SLC36A1: variants seen among roughly 807,000 people sequenced by gnomAD.
SLC36A1 encodes proton-coupled amino acid transporter 1.
Under a neutral mutation model 47.5 loss-of-function variants are expected in SLC36A1, and 30 were observed. The ratio of observed to expected loss-of-function variants is 0.63; its 90% CI spans 0.47 to 0.86. SLC36A1 has a LOEUF of 0.86. Among genes scored for constraint, SLC36A1 ranks in the 40% least tolerant of loss-of-function variants. The pLI is 0.00. For synonymous variants in SLC36A1, 255 were observed against 249.7 expected (o/e 1.02, Z -0.20); for missense variants, 517 against 606.0 (o/e 0.85, Z 1.54).
At chr5:151,479,282 C>G (rs1255465203) in intron 9 of SLC36A1, 38 bp from the exon 10 acceptor site, 2 of 1,604,230 alleles carry the variant, frequency 1.2e-6, no homozygotes, top group Non-Finnish European at 1.7e-6. Context: ...TATAAGTGTG[C>G]TGAGCAGGCT....
At chr5:151,347,556 C>T in the SLC36A1 span, 1 of 1,488,274 alleles carries the variant, frequency 6.7e-7, no homozygotes, top group South Asian at 1.1e-5. Context: ...CACCCCAGCA[C>T]AGTGGTGTGT....
the SLC36A1 span, chr5:151,507,009 A>C: frequency 1.5e-6 from 1 of 675,808 alleles, no homozygotes; most frequent in Non-Finnish European, 2.4e-6. Context: ...CGTGCCCTGT[A>C]ATCTTGAACA....
the SLC36A1 span, chr5:151,543,566 T>C: frequency 6.2e-7 from 1 of 1,614,080 alleles, no homozygotes. Context: ...AGTTTATTGA[T>C]GATAGTATAA....
the SLC36A1 span, chr5:151,425,477 G>C: frequency 1.3e-5 from 2 of 152,358 alleles, no homozygotes; most frequent in African/African-American, 2.4e-5. Context: ...CTGGGGAAGA[G>C]CTGGCAGACA....
chr5:151,554,441 T>G, the SLC36A1 span: 1 of 1,614,228 alleles, frequency 6.2e-7, no homozygotes, highest in Non-Finnish European at 8.5e-7. Context: ...ACTGAAGGCC[T>G]CCTCATCGCT....
At chr5:151,524,455 G>A in the SLC36A1 span, among the ~76,000 whole-genome samples, 1 of 152,154 alleles carries the variant, frequency 6.6e-6, no homozygotes, top group Non-Finnish European at 1.5e-5. Context: ...ACAATGAGAA[G>A]CCGACAGTCT....
At chr5:151,527,334 T>C in the SLC36A1 span, 4 of 1,613,326 alleles carry the variant, frequency 2.5e-6, no homozygotes, top group South Asian at 4.4e-5. Flanking sequence ...CAGTGGAGGC[T>C]GCCCACTGTC....
At chr5:151,408,438 C>T in the SLC36A1 span, among the ~76,000 whole-genome samples, 3 of 152,150 alleles carry the variant, frequency 2.0e-5, no homozygotes, top group Non-Finnish European at 4.4e-5. Flanking sequence ...CTGCCCGCCT[C>T]GGCCTCCTAA....
intron 7 of SLC36A1, chr5:151,470,738 A>T (rs1015327027): frequency 2.6e-5 from 4 of 152,278 alleles, no homozygotes; most frequent in Non-Finnish European, 5.9e-5. Context: ...TACCATGAGG[A>T]TTCCCCTACT....
At chr5:151,543,995 C>T in the SLC36A1 span, 2 of 1,613,926 alleles carry the variant, frequency 1.2e-6, no homozygotes, top group Non-Finnish European at 1.7e-6. Flanking sequence ...TGTCTGAACT[C>T]TGGGGGGTTG....
At chr5:151,465,352 T>A (rs1212577004) in intron 5 of SLC36A1, among the ~76,000 whole-genome samples, 183 bp downstream of exon 5, 1 of 152,180 alleles carries the variant, frequency 6.6e-6, no homozygotes, top group Non-Finnish European at 1.5e-5. Context: ...ACCCCTTTTT[T>A]CCTTGGGTTT....
the SLC36A1 span, among the ~76,000 whole-genome samples, chr5:151,537,294 G>C: frequency 6.8e-6 from 1 of 146,422 alleles, no homozygotes; most frequent in African/African-American, 2.5e-5. Context: ...GGAGGAGGAG[G>C]AGGGAGAGAG....
At chr5:151,439,543 C>G (rs932608659) in intron 1 of SLC36A1, among the ~76,000 whole-genome samples, 1 of 151,494 alleles carries the variant, frequency 6.6e-6, no homozygotes, top group African/African-American at 2.4e-5. Context: ...GGTCCAGCTA[C>G]TTGGGAGGCT....
the SLC36A1 span, chr5:151,425,506 A>G: frequency 2.0e-5 from 3 of 152,224 alleles, 1 homozygote; most frequent in South Asian, 6.2e-4. Flanking sequence ...GCAAATACCC[A>G]GTGTAGAGAG....
chr5:151,444,162 C>T (rs563059985), upstream of SLC36A1, among the ~76,000 whole-genome samples: 1 of 152,198 alleles, frequency 6.6e-6, no homozygotes, highest in South Asian at 2.1e-4. Flanking sequence ...CTTTTGTGGT[C>T]TCATGCAAAT....
chr5:151,480,098 G>A, intron 10 of SLC36A1: 1 of 1,492,270 alleles, frequency 6.7e-7, no homozygotes, highest in Non-Finnish European at 8.8e-7. Context: ...GTTTGCTGTG[G>A]TTGAAAACTG....
chr5:151,553,095 G>T, the SLC36A1 span: 3 of 1,413,966 alleles, frequency 2.1e-6, no homozygotes, highest in African/African-American at 2.8e-5. Context: ...AGAAGAGTCA[G>T]AAGGACTGTA....
At chr5:151,539,105 T>C in the SLC36A1 span, among the ~76,000 whole-genome samples, 2 of 152,136 alleles carry the variant, frequency 1.3e-5, no homozygotes. Context: ...AAGTTGGTTG[T>C]AATGATGGCT....
chr5:151,523,060 T>C, the SLC36A1 span, among the ~76,000 whole-genome samples: 1 of 152,228 alleles, frequency 6.6e-6, no homozygotes, highest in Non-Finnish European at 1.5e-5. Flanking sequence ...TATCACTTCC[T>C]CAGCTGTCAA....
Sources: gnomAD v4.1 joint callset for allele counts (sites outside exome capture counted in the v4.1 genomes callset) on GRCh38, gnomAD v4.1.1 for gene constraint, MANE v1.5 for transcripts, NCBI Gene and HGNC (gene_info 2026-07-23, HGNC 2026-07-21) for gene names.